The following PPARGC1A variants were observed in gnomAD, a reference collection of about 807,000 sequenced individuals.
PPARGC1A encodes PPARG coactivator 1 alpha.
PPARGC1A carries 25 observed loss-of-function variants against 88.7 expected under a neutral mutation model. The observed-to-expected ratio is 0.28, with a 90% confidence interval of 0.21 to 0.39. The LOEUF (loss-of-function observed/expected upper bound fraction) is 0.39. Ranked by LOEUF, PPARGC1A falls within the 10% of genes least tolerant of loss-of-function variation. The pLI, the probability that PPARGC1A is intolerant of heterozygous loss-of-function variation, is 1.00. For missense variants in PPARGC1A, 880 were observed against 968.7 expected, an observed-to-expected ratio of 0.91 and a Z score of 1.22; for synonymous variants, 363 against 355.6, an observed-to-expected ratio of 1.02 and a Z score of -0.24.
chr4:23,893,021 GTATT>G (rs1267679391), upstream of PPARGC1A, among the ~76,000 whole-genome samples: 1 of 152,030 alleles, frequency 6.6e-6, no homozygotes, highest in African/African-American at 2.4e-5. Flanking sequence ...ATAGAAAGAG[GTATT>G]TATTAACATC....
At chr4:23,917,504 T>C in the PPARGC1A span, among the ~76,000 whole-genome samples, 2 of 151,530 alleles carry the variant, frequency 1.3e-5, no homozygotes, top group South Asian at 4.2e-4. Flanking sequence ...TTTGTATTTT[T>C]AGTAGAGACG....
the PPARGC1A span, among the ~76,000 whole-genome samples, chr4:24,087,973 C>A: frequency 6.6e-6 from 1 of 152,016 alleles, no homozygotes; most frequent in Non-Finnish European, 1.5e-5. Flanking sequence ...AAAATCCTTT[C>A]GGGGAAGTTT....
the PPARGC1A span, among the ~76,000 whole-genome samples, chr4:23,934,431 C>T: frequency 1.3e-5 from 2 of 152,118 alleles, no homozygotes; most frequent in African/African-American, 2.4e-5. Flanking sequence ...AACCTTTTCC[C>T]GCAACCACCC....
chr4:23,819,673 T>TATAGAC (rs1466615769), intron 7 of PPARGC1A, among the ~76,000 whole-genome samples: 2 of 152,136 alleles, frequency 1.3e-5, no homozygotes, highest in Non-Finnish European at 2.9e-5. Context: ...GAATTGTCAT[T>TATAGAC]ATAGACACTG....
the PPARGC1A span, among the ~76,000 whole-genome samples, chr4:24,231,140 G>A: frequency 6.6e-6 from 1 of 152,168 alleles, no homozygotes; most frequent in East Asian, 1.9e-4. Flanking sequence ...AAAAATCAAA[G>A]TCCATTGCCC....
the PPARGC1A span, among the ~76,000 whole-genome samples, chr4:24,398,581 C>A: frequency 6.6e-6 from 1 of 152,154 alleles, no homozygotes; most frequent in Non-Finnish European, 1.5e-5. Context: ...GTCCTCTTTT[C>A]TGTAGCATCA....
chr4:23,844,845 ATAT>A (rs1283374742), intron 2 of PPARGC1A, among the ~76,000 whole-genome samples: 1 of 124,166 alleles, frequency 8.1e-6, no homozygotes, highest in Non-Finnish European at 1.6e-5. Flanking sequence ...TATATGATAT[ATAT>A]TATTATAATA....
chr4:23,940,175 G>C, the PPARGC1A span, among the ~76,000 whole-genome samples: 2 of 152,106 alleles, frequency 1.3e-5, no homozygotes, highest in African/African-American at 2.4e-5. Context: ...TATCAAACAT[G>C]TATTAAGTAC....
chr4:24,376,228 G>A, the PPARGC1A span, among the ~76,000 whole-genome samples: 1 of 152,144 alleles, frequency 6.6e-6, no homozygotes, highest in Non-Finnish European at 1.5e-5. Flanking sequence ...TCCCACCACA[G>A]GCAGGACAAG....
chr4:24,263,838 C>A, the PPARGC1A span, among the ~76,000 whole-genome samples: 1 of 152,180 alleles, frequency 6.6e-6, no homozygotes, highest in African/African-American at 2.4e-5. Flanking sequence ...CAGCCTCGAC[C>A]TCCAGGAATC....
chr4:24,246,547 T>G, the PPARGC1A span, among the ~76,000 whole-genome samples: 1 of 152,138 alleles, frequency 6.6e-6, no homozygotes, highest in Non-Finnish European at 1.5e-5. Context: ...CCTGGAAGGT[T>G]CAAGGCTATA....
the PPARGC1A span, among the ~76,000 whole-genome samples, chr4:24,078,918 T>C: frequency 1.3e-5 from 2 of 152,088 alleles, no homozygotes; most frequent in Non-Finnish European, 2.9e-5. Context: ...TTGTATTTAA[T>C]AGGATATCAA....
the PPARGC1A span, among the ~76,000 whole-genome samples, chr4:24,405,388 C>A: frequency 6.6e-6 from 1 of 151,992 alleles, no homozygotes; most frequent in Non-Finnish European, 1.5e-5. Flanking sequence ...GAGAGAAGAG[C>A]GAGAGCTTTT....
chr4:24,350,401 A>G, the PPARGC1A span, among the ~76,000 whole-genome samples: 24 of 152,318 alleles, frequency 1.6e-4, no homozygotes, highest in African/African-American at 4.6e-4. Flanking sequence ...TTTTTTTGAT[A>G]TTCCAAATGG....
At chr4:24,377,134 G>A in the PPARGC1A span, among the ~76,000 whole-genome samples, 108 of 152,030 alleles carry the variant, frequency 7.1e-4, no homozygotes, top group African/African-American at 2.4e-3. Context: ...GGAAAGACCT[G>A]TAGTAATGAA....
intron 1 of PPARGC1A, among the ~76,000 whole-genome samples, chr4:23,898,019 T>C (rs1263950301): frequency 6.6e-6 from 1 of 152,212 alleles, no homozygotes; most frequent in Non-Finnish European, 1.5e-5. Context: ...GGGTGGATAT[T>C]ATATTCAGGG....
the PPARGC1A span, among the ~76,000 whole-genome samples, chr4:24,098,170 T>A: frequency 3.9e-5 from 6 of 152,238 alleles, no homozygotes; most frequent in Non-Finnish European, 7.3e-5. Flanking sequence ...GTACTCAGGT[T>A]GTTGGACATT....
the PPARGC1A span, among the ~76,000 whole-genome samples, chr4:24,143,341 A>T: frequency 1.3e-5 from 2 of 152,174 alleles, no homozygotes; most frequent in Non-Finnish European, 2.9e-5. Flanking sequence ...TTCAAGAAAT[A>T]GGTGAACACC....
the PPARGC1A span, among the ~76,000 whole-genome samples, chr4:24,303,252 T>C: frequency 1.3e-5 from 2 of 152,054 alleles, no homozygotes; most frequent in African/African-American, 4.8e-5. Context: ...AGAAATTAGT[T>C]GCAAAGTAAA....
Sources: gnomAD v4.1 joint callset for allele counts (sites outside exome capture counted in the v4.1 genomes callset) on GRCh38, gnomAD v4.1.1 for gene constraint, MANE v1.5 for transcripts, NCBI Gene and HGNC (gene_info 2026-07-23, HGNC 2026-07-21) for gene names.